Variants in DMXL1 observed in about 807,000 individuals in gnomAD.
DMXL1 encodes the protein dmX-like protein 1.
DMXL1 carries 99 observed loss-of-function variants against 319.2 expected under a neutral mutation model. The observed-to-expected ratio is 0.31, with a 90% CI of 0.26 to 0.37. The LOEUF (loss-of-function observed/expected upper bound fraction) is 0.37, where lower values mean the gene tolerates loss of function less well. DMXL1 is among the 10% of genes least tolerant of loss of function. The pLI is 1.00. For missense variants in DMXL1, 3,745 were observed against 3,595.6 expected, an observed-to-expected ratio of 1.04 and a Z score of -1.06; for synonymous variants, 1,385 against 1,235.2, an observed-to-expected ratio of 1.12 and a Z score of -2.54.
intron 3 of DMXL1, among the ~76,000 whole-genome samples, chr5:119,104,696 C>G (rs752019820): frequency 1.3e-5 from 2 of 151,984 alleles, no homozygotes; most frequent in Non-Finnish European, 2.9e-5. Context: ...TACTGATTTG[C>G]AGGCAGAAAA....
Position 119,121,900 on chromosome 5 carries a change from C to T in DMXL1, c.1102+761C>T, listed in dbSNP as rs1216047393. On this transcript the variant is annotated intron_variant, in intron 9 of 43. Transcript: ENST00000539542. ...TCACCTCCTGGACGGGGCGGCTGGC[C>T]GGGCGGGGGGCTGACCCCCCCCACC... 7.3e-4 allele frequency among the ~76,000 whole-genome samples: 106 copies of T among 144,260 alleles called. 2 individuals are homozygous for T. Among genetic ancestry groups the T allele is most frequent in the Non-Finnish European group, 1.2e-3 (78 of 65,206 alleles). The allele number at this position is 144,260 out of a possible 152,430, so 94.6% of individuals were successfully genotyped here.
At chr5:119,123,171 C>T (rs1033486615) in intron 9 of DMXL1, among the ~76,000 whole-genome samples, 25 of 151,852 alleles carry the variant, frequency 1.6e-4, no homozygotes, top group Non-Finnish European at 2.5e-4. Flanking sequence ...GGCGTAGCGG[C>T]GCGCGCCTGC....
At chr5:119,137,450 G>C (rs574810908) in intron 13 of DMXL1, among the ~76,000 whole-genome samples, 1 of 152,190 alleles carries the variant, frequency 6.6e-6, no homozygotes, top group Admixed American at 6.5e-5. Context: ...GGGAAGGCAT[G>C]ATTGGTTTTG....
chr5:119,097,899 A>G, intron 1 of DMXL1, 80 bp from the exon 2 acceptor site: 2 of 1,235,768 alleles, frequency 1.6e-6, no homozygotes, highest in Non-Finnish European at 2.2e-6. Context: ...CTGCCTTAAA[A>G]CATGATAGTT....
At chr5:119,101,718 A>G (rs1174822228) in intron 2 of DMXL1, among the ~76,000 whole-genome samples, 1 of 152,180 alleles carries the variant, frequency 6.6e-6, no homozygotes, top group Non-Finnish European at 1.5e-5. Flanking sequence ...AATGGAAACT[A>G]ACGTTTGGAG....
At chr5:119,237,645 A>G (rs1787998370) in intron 40 of DMXL1, among the ~76,000 whole-genome samples, 1 of 152,040 alleles carries the variant, frequency 6.6e-6, no homozygotes, top group African/African-American at 2.4e-5. Context: ...AAGCAACATG[A>G]TACCCCCAGA....
At chr5:119,154,497 A>G (rs1770569648) in intron 19 of DMXL1, 1 of 154,520 alleles carries the variant, frequency 6.5e-6, no homozygotes, top group East Asian at 1.9e-4. Context: ...CCTAATCCAG[A>G]ACAAGGCTGT....
At chr5:119,074,609 A>G (rs1297492082) in intron 1 of DMXL1, among the ~76,000 whole-genome samples, 1 of 152,258 alleles carries the variant, frequency 6.6e-6, no homozygotes, top group Admixed American at 6.5e-5. Flanking sequence ...AGATTAGTCT[A>G]TTTAAGTATT....
At chr5:119,157,851 G>T (rs1008859118) in intron 19 of DMXL1, among the ~76,000 whole-genome samples, 2 of 152,006 alleles carry the variant, frequency 1.3e-5, no homozygotes, top group African/African-American at 4.8e-5. Context: ...TTCTATTTCT[G>T]TGAAAAATGA....
rs532482648 is a variant in DMXL1 at position 119,121,206 on chromosome 5, T to C, written c.1102+67T>C. On this transcript the variant is annotated intron_variant, in intron 9 of 43. Coordinates refer to ENST00000539542, the MANE Select transcript of DMXL1 (RefSeq NM_001290321.3). ...GATTGATTTTATAACAACTAAGTTATACTTTTAGTTTTCAAATAAGTAAAA... is the reference window on the plus strand; with the variant it reads ...GATTGATTTTATAACAACTAAGTTACACTTTTAGTTTTCAAATAAGTAAAA... 1.7e-4 allele frequency: 222 copies of C among 1,335,848 alleles called. No individual in the cohort carries two copies. In the African/African-American group the frequency reaches 2.7e-3, roughly 16 times the overall value. The allele number at this position is 1,335,848 out of a possible 1,614,324, so 82.7% of individuals were successfully genotyped here.
At chr5:119,098,213 A>T (rs1057038750) in intron 2 of DMXL1, 109 bp downstream of exon 2, 22 of 1,310,778 alleles carry the variant, frequency 1.7e-5, no homozygotes, top group Non-Finnish European at 2.0e-5. Flanking sequence ...TTTGTTTCAA[A>T]GATAGTGTAG....
intron 10 of DMXL1, among the ~76,000 whole-genome samples, chr5:119,130,117 T>A (rs531881513): frequency 5.5e-4 from 83 of 152,236 alleles, no homozygotes; most frequent in African/African-American, 1.9e-3. Context: ...TTTGTTTTAA[T>A]TTGTTTAATT....
chr5:119,136,066 A>T (rs1431870704), intron 13 of DMXL1, among the ~76,000 whole-genome samples: 4 of 152,254 alleles, frequency 2.6e-5, no homozygotes, highest in Non-Finnish European at 5.9e-5. Context: ...GCTGATAGTG[A>T]TACGGACAAT....
intron 17 of DMXL1, among the ~76,000 whole-genome samples, chr5:119,147,864 T>G (rs563729112): frequency 3.3e-5 from 5 of 152,262 alleles, no homozygotes; most frequent in African/African-American, 1.2e-4. Context: ...GAGCAGTGGT[T>G]TTCAAAGTGT....
At chr5:119,101,412 C>A (rs746578912) in intron 2 of DMXL1, among the ~76,000 whole-genome samples, 1 of 151,802 alleles carries the variant, frequency 6.6e-6, no homozygotes, top group Non-Finnish European at 1.5e-5. Flanking sequence ...TAGTAGTTAC[C>A]TTATAAAACA....
At chr5:119,230,001 G>C (rs892171701) in intron 38 of DMXL1, among the ~76,000 whole-genome samples, 1 of 152,140 alleles carries the variant, frequency 6.6e-6, no homozygotes, top group Non-Finnish European at 1.5e-5. Flanking sequence ...ATTTGGAAGT[G>C]ATCTAGATAT....
intron 28 of DMXL1, among the ~76,000 whole-genome samples, chr5:119,189,105 T>A (rs1234347910): frequency 1.3e-5 from 2 of 152,196 alleles, no homozygotes; most frequent in Non-Finnish European, 2.9e-5. Flanking sequence ...ACTAAAAAAA[T>A]ACTATCTAAT....
intron 19 of DMXL1, 131 bp from the exon 20 acceptor site, chr5:119,164,376 T>C: frequency 1.2e-6 from 1 of 804,330 alleles, no homozygotes; most frequent in East Asian, 2.8e-5. Context: ...AAAAAGCCCA[T>C]ATTTCCAATC....
chr5:119,085,169 A>C (rs1028150378), intron 1 of DMXL1, among the ~76,000 whole-genome samples: 1 of 151,844 alleles, frequency 6.6e-6, no homozygotes, highest in Non-Finnish European at 1.5e-5. Context: ...TCTCTATTAA[A>C]AATACAAAAA....
Sources: gnomAD v4.1 joint callset for allele counts (sites outside exome capture counted in the v4.1 genomes callset) on GRCh38, gnomAD v4.1.1 for gene constraint, MANE v1.5 for transcripts, NCBI Gene and HGNC (gene_info 2026-07-23, HGNC 2026-07-21) for gene names.